Variants in TASP1 observed in about 807,000 individuals in gnomAD.
The protein encoded by TASP1 is threonine aspartase 1.
In TASP1, 16 loss-of-function variants were observed where a neutral mutation model predicts 56.6. The observed-to-expected ratio is 0.28, with a 90% CI of 0.19 to 0.43. The LOEUF (loss-of-function observed/expected upper bound fraction) is 0.43, where lower values mean the gene tolerates loss of function less well. TASP1 is among the 20% of genes least tolerant of loss of function. The pLI, the probability that TASP1 is intolerant of heterozygous loss-of-function variation, is 1.00. For missense variants in TASP1, 393 were observed against 511.6 expected, an observed-to-expected ratio of 0.77 and a Z score of 2.24; for synonymous variants, 179 against 184.2, an observed-to-expected ratio of 0.97 and a Z score of 0.23.
At chr20:13,484,368 A>G (rs967617824) in intron 10 of TASP1, among the ~76,000 whole-genome samples, 1 of 152,196 alleles carries the variant, frequency 6.6e-6, no homozygotes, top group Non-Finnish European at 1.5e-5. Context: ...GTATGTTTCT[A>G]GCAGCACTCT....
At chr20:13,292,264 A>G in the TASP1 span, 1 of 685,174 alleles carries the variant, frequency 1.5e-6, no homozygotes, top group East Asian at 2.7e-5. Flanking sequence ...GTGAGTAGTA[A>G]TGAATACAAA....
At chr20:13,214,546 C>CAGAG in the TASP1 span, among the ~76,000 whole-genome samples, 3 of 133,702 alleles carry the variant, frequency 2.2e-5, no homozygotes, top group African/African-American at 3.4e-5. Flanking sequence ...CACACACACA[C>CAGAG]ACACACACAC....
chr20:13,235,132 G>T, the TASP1 span, among the ~76,000 whole-genome samples: 1 of 152,084 alleles, frequency 6.6e-6, no homozygotes. Context: ...CACACTCATG[G>T]GTCCATGGGT....
At chr20:13,563,870 C>CA (rs2046429783) in intron 7 of TASP1, among the ~76,000 whole-genome samples, 1 of 151,822 alleles carries the variant, frequency 6.6e-6, no homozygotes, top group Non-Finnish European at 1.5e-5. Context: ...GTAAAAACAC[C>CA]AAACCAGAAA....
intron 5 of TASP1, among the ~76,000 whole-genome samples, chr20:13,582,995 C>A (rs2047178921): frequency 6.6e-6 from 1 of 152,220 alleles, no homozygotes; most frequent in Non-Finnish European, 1.5e-5. Context: ...TAAGTGCCCA[C>A]AGGGAGCAGC....
Position 13,390,076 on chromosome 20 carries a change from A to C in TASP1, c.*284T>G, listed in dbSNP as rs1306655483. The C allele has an allele frequency of 3.1e-6, 1 of 318,224 alleles. No homozygotes were observed. Among genetic ancestry groups the C allele is most frequent in the Non-Finnish European group, 5.9e-6 (1 of 168,432 alleles). The allele number at this position is 318,224 out of a possible 1,614,324, so 19.7% of individuals were successfully genotyped here. A position where few individuals can be genotyped will look rare whatever the true frequency, so the allele number is the denominator to read the frequency against. On this transcript the variant is annotated 3_prime_UTR_variant, in exon 14 of 14. Transcript: ENST00000337743. ...ATGATTTAACCATTCCTGGTCACAC[A>C]ATGAGGAGTTTCTATTTCATCCACG...
chr20:13,617,269 G>GAA (rs200042073), intron 4 of TASP1: 3 of 198,164 alleles, frequency 1.5e-5, no homozygotes, highest in African/African-American at 4.8e-5. Context: ...ACCAAGTAAA[G>GAA]AAAAAAAACA....
intron 10 of TASP1, among the ~76,000 whole-genome samples, chr20:13,500,971 T>C (rs1157620500): frequency 6.6e-6 from 1 of 151,834 alleles, no homozygotes; most frequent in Non-Finnish European, 1.5e-5. Flanking sequence ...AAATATGAAA[T>C]ATTAAAAACA....
chr20:13,584,277 T>C (rs545528495), intron 5 of TASP1, among the ~76,000 whole-genome samples: 1 of 152,212 alleles, frequency 6.6e-6, no homozygotes, highest in African/African-American at 2.4e-5. Context: ...TACAAGTAAA[T>C]TGTGCTTATA....
At chr20:13,556,465 T>C (rs1234348641) in intron 8 of TASP1, among the ~76,000 whole-genome samples, 2 of 151,954 alleles carry the variant, frequency 1.3e-5, no homozygotes, top group African/African-American at 4.8e-5. Context: ...TTCCCTACTT[T>C]AAACTCTTCA....
chr20:13,534,538 T>C (rs968557733), intron 8 of TASP1, among the ~76,000 whole-genome samples: 1 of 152,216 alleles, frequency 6.6e-6, no homozygotes, highest in African/African-American at 2.4e-5. Context: ...ATAAATACTC[T>C]TGTTGGTATT....
At chr20:13,429,062 C>T (rs2042712610) in intron 12 of TASP1, among the ~76,000 whole-genome samples, 2 of 152,202 alleles carry the variant, frequency 1.3e-5, no homozygotes, top group South Asian at 4.1e-4. Flanking sequence ...TCTATAGCCC[C>T]TGTGTGTGTC....
the TASP1 span, among the ~76,000 whole-genome samples, chr20:13,108,668 G>A: frequency 6.6e-6 from 1 of 151,726 alleles, no homozygotes; most frequent in East Asian, 1.9e-4. Context: ...TCCGTCTCCT[G>A]GGTTCAAGCA....
At chr20:13,484,834 C>T (rs1181673042) in intron 10 of TASP1, among the ~76,000 whole-genome samples, 1 of 151,590 alleles carries the variant, frequency 6.6e-6, no homozygotes, top group African/African-American at 2.4e-5. Flanking sequence ...TTTGCAGGGA[C>T]GTGGATGAAG....
chr20:13,514,408 C>T (rs550817115), intron 10 of TASP1, among the ~76,000 whole-genome samples: 16 of 152,178 alleles, frequency 1.1e-4, no homozygotes, highest in African/African-American at 3.4e-4. Context: ...TGCAATGGTG[C>T]GAAGTGAGAA....
At chr20:13,179,406 C>CGTGTGTGCGT in the TASP1 span, among the ~76,000 whole-genome samples, 1 of 143,404 alleles carries the variant, frequency 7.0e-6, no homozygotes, top group Admixed American at 7.0e-5. Context: ...GAATTATGTG[C>CGTGTGTGCGT]GTGTGTGTGT....
At chr20:13,530,127 T>C (rs901132046) in intron 9 of TASP1, among the ~76,000 whole-genome samples, 2 of 152,194 alleles carry the variant, frequency 1.3e-5, no homozygotes, top group African/African-American at 2.4e-5. Context: ...GACTCTGCGA[T>C]GCACAAACCC....
At chr20:13,361,625 T>C in the TASP1 span, among the ~76,000 whole-genome samples, 1 of 150,566 alleles carries the variant, frequency 6.6e-6, no homozygotes, top group South Asian at 2.1e-4. Context: ...CCCAGTCTCA[T>C]TCCAGACACC....
intron 12 of TASP1, among the ~76,000 whole-genome samples, chr20:13,429,753 T>G (rs1457359440): frequency 6.6e-6 from 1 of 152,158 alleles, no homozygotes; most frequent in Non-Finnish European, 1.5e-5. Context: ...CATAAGAAGA[T>G]TCAACATTTA....
Sources: gnomAD v4.1 joint callset for allele counts (sites outside exome capture counted in the v4.1 genomes callset) on GRCh38, gnomAD v4.1.1 for gene constraint, MANE v1.5 for transcripts, NCBI Gene and HGNC (gene_info 2026-07-23, HGNC 2026-07-21) for gene names.